The following SORCS1 variants were observed in gnomAD, a reference collection of about 807,000 sequenced individuals.
SORCS1 encodes VPS10 domain-containing receptor SorCS1.
SORCS1 carries 60 observed loss-of-function variants against 146.1 expected under a neutral mutation model. The ratio of observed to expected loss-of-function variants is 0.41; its 90% CI spans 0.33 to 0.51. The LOEUF is 0.51. Among genes scored for constraint, SORCS1 ranks in the 20% least tolerant of loss-of-function variants. SORCS1 has a pLI of 0.21. For synonymous variants in SORCS1, 637 were observed against 584.0 expected, an observed-to-expected ratio of 1.09 and a Z score of -1.31; for missense variants, 1,352 against 1,487.6, an observed-to-expected ratio of 0.91 and a Z score of 1.50.
intron 3 of SORCS1, among the ~76,000 whole-genome samples, chr10:106,816,632 A>G (rs1947753632): frequency 6.6e-6 from 1 of 152,190 alleles, no homozygotes; most frequent in Non-Finnish European, 1.5e-5. Flanking sequence ...ATTTAGGGTC[A>G]TTATTTATGT....
chr10:106,953,475 G>A (rs891573944), intron 2 of SORCS1, among the ~76,000 whole-genome samples: 2 of 151,962 alleles, frequency 1.3e-5, no homozygotes, highest in Non-Finnish European at 2.9e-5. Context: ...GATCCAAGAT[G>A]GGTTGAATTA....
chr10:106,845,044 G>A (rs946575698), intron 2 of SORCS1, among the ~76,000 whole-genome samples: 4,146 of 122,556 alleles, frequency 0.034, 338 homozygotes, highest in African/African-American at 0.11. Context: ...ATAAACATAC[G>A]TGTGCATATG....
At position 107,034,450 on chromosome 10, in the gene SORCS1, C is replaced by T. The variant is rs181183227; in HGVS notation, c.559-77870G>A. Among the ~76,000 whole-genome samples the T allele has an allele frequency of 2.4e-3, 367 of 151,842 alleles. 1 individual carries two copies. The highest frequency in any genetic ancestry group is 3.5e-3 in the Non-Finnish European group (236 of 67,936). ...ATCCCAACACTTTGGGAGACCGAGG[C>T]GGGCAGATCACCTGAGGCCAGGAGT... On this transcript the variant is annotated intron_variant, in intron 1 of 25. Transcript: ENST00000263054.
intron 1 of SORCS1, among the ~76,000 whole-genome samples, chr10:106,962,272 G>A: frequency 6.6e-6 from 1 of 151,452 alleles, no homozygotes; most frequent in Middle Eastern, 3.2e-3. Flanking sequence ...GGTGGTGCAT[G>A]CCTTCATCCC....
intron 18 of SORCS1, among the ~76,000 whole-genome samples, chr10:106,638,017 G>A (rs980250968): frequency 1.3e-5 from 2 of 152,156 alleles, no homozygotes; most frequent in Admixed American, 1.3e-4. Flanking sequence ...ATGACTATGA[G>A]CTGGGGCCTC....
chr10:106,934,818 A>G (rs958678504), intron 2 of SORCS1, among the ~76,000 whole-genome samples: 5 of 152,194 alleles, frequency 3.3e-5, no homozygotes, highest in Non-Finnish European at 5.9e-5. Context: ...GGAATGGAAA[A>G]CCAATTACCA....
At chr10:106,699,429 G>T (rs545689014) in intron 8 of SORCS1, 36 bp from the exon 9 acceptor site, 3 of 1,565,790 alleles carry the variant, frequency 1.9e-6, no homozygotes, top group Admixed American at 3.7e-5. Context: ...GAGGGAAAAA[G>T]AGTTTTATAC....
chr10:106,829,433 C>T, intron 3 of SORCS1, 141 bp downstream of exon 3: 2 of 576,316 alleles, frequency 3.5e-6, no homozygotes, highest in Non-Finnish European at 6.3e-6. Flanking sequence ...AGACATTTTA[C>T]AATCTTAACA....
Position 106,958,128 on chromosome 10 carries a change from G to A in SORCS1, c.559-1548C>T, listed in dbSNP as rs979838793. The stretch of plus-strand genomic sequence containing the variant: ...AATACATGAGCCCAAGCACACTTGC[G>A]AAGATTCCACAGAGCAGTGTGTGTT... On this transcript the variant is annotated intron_variant, in intron 1 of 25. Transcript: ENST00000263054. 8.5e-5 allele frequency among the ~76,000 whole-genome samples: 13 copies of A among 152,212 alleles called. No homozygotes were observed. In the South Asian group the frequency reaches 2.5e-3, roughly 29 times the overall value.
intron 1 of SORCS1, among the ~76,000 whole-genome samples, chr10:107,149,390 G>T (rs538757126): frequency 6.6e-6 from 1 of 151,994 alleles, no homozygotes; most frequent in South Asian, 2.1e-4. Flanking sequence ...AAAAAATCGC[G>T]CTTTAATCAT....
At chr10:107,131,928 T>C (rs1205283327) in intron 1 of SORCS1, among the ~76,000 whole-genome samples, 1 of 152,196 alleles carries the variant, frequency 6.6e-6, no homozygotes, top group Non-Finnish European at 1.5e-5. Context: ...CCACTGCCCT[T>C]AGCCTCCGTC....
chr10:106,834,014 C>T (rs890039438), intron 2 of SORCS1, among the ~76,000 whole-genome samples: 2 of 152,070 alleles, frequency 1.3e-5, no homozygotes, highest in Admixed American at 6.6e-5. Context: ...AGGATGGTCT[C>T]GATCTCCTGA....
chr10:106,981,734 T>C (rs1281932311), intron 1 of SORCS1, among the ~76,000 whole-genome samples: 1 of 152,082 alleles, frequency 6.6e-6, no homozygotes, highest in Non-Finnish European at 1.5e-5. Context: ...AAATAACCAA[T>C]ATCCAAAAGA....
intron 2 of SORCS1, among the ~76,000 whole-genome samples, chr10:106,931,721 G>T (rs1033396980): frequency 1.3e-5 from 2 of 152,098 alleles, no homozygotes; most frequent in African/African-American, 4.8e-5. Flanking sequence ...TTAGGGTTGT[G>T]TATGTCAGCA....
chr10:107,084,922 T>C (rs1963648320), intron 1 of SORCS1, among the ~76,000 whole-genome samples: 2 of 152,226 alleles, frequency 1.3e-5, no homozygotes, highest in African/African-American at 4.8e-5. Flanking sequence ...TACAAGCTTA[T>C]TAAAACATTG....
intron 1 of SORCS1, among the ~76,000 whole-genome samples, chr10:107,006,553 C>T (rs188494196): frequency 7.7e-4 from 118 of 152,342 alleles, no homozygotes; most frequent in African/African-American, 2.8e-3. Flanking sequence ...CATGGTGGCT[C>T]ACGCCTGTAA....
intron 2 of SORCS1, among the ~76,000 whole-genome samples, chr10:106,912,670 T>TTTTG (rs995614994): frequency 1.3e-5 from 2 of 152,038 alleles, no homozygotes; most frequent in Admixed American, 6.6e-5. Flanking sequence ...GCATTGCTTT[T>TTTTG]TTTGTTTGTT....
chr10:107,059,132 A>G (rs1960925891), intron 1 of SORCS1, among the ~76,000 whole-genome samples: 1 of 152,138 alleles, frequency 6.6e-6, no homozygotes, highest in Admixed American at 6.5e-5. Flanking sequence ...AATCTAAATC[A>G]TCTCTAACAC....
intron 9 of SORCS1, among the ~76,000 whole-genome samples, chr10:106,697,706 A>G (rs2135728664): frequency 6.6e-6 from 1 of 152,274 alleles, no homozygotes; most frequent in East Asian, 1.9e-4. Context: ...ATCCTCAGAA[A>G]AATCACATCT....
Sources: gnomAD v4.1 joint callset for allele counts (sites outside exome capture counted in the v4.1 genomes callset) on GRCh38, gnomAD v4.1.1 for gene constraint, MANE v1.5 for transcripts, NCBI Gene and HGNC (gene_info 2026-07-23, HGNC 2026-07-21) for gene names.